Variants in REC114 observed in about 807,000 individuals in gnomAD.
REC114 encodes the protein REC114 meiotic recombination protein.
In REC114, 27 loss-of-function variants were observed where a neutral mutation model predicts 31.3. The ratio of observed to expected loss-of-function variants is 0.86; its 90% CI spans 0.64 to 1.19. The LOEUF (loss-of-function observed/expected upper bound fraction) is 1.19, where lower values mean the gene tolerates loss of function less well. Among genes scored for constraint, REC114 ranks in the 50% most tolerant of loss-of-function variants. REC114 has a pLI of 0.00. For missense variants in REC114, 344 were observed against 326.9 expected (o/e 1.05, Z -0.40); for synonymous variants, 134 against 127.7 (o/e 1.05, Z -0.33).
chr15:73,516,283 G>T, intron 2 of REC114, among the ~76,000 whole-genome samples: 1 of 152,010 alleles, frequency 6.6e-6, no homozygotes, highest in Non-Finnish European at 1.5e-5. Flanking sequence ...ACCTTGCCTG[G>T]CCTCTAGCTT....
rs898439689 is a variant in REC114, at chr15:73,471,362, A to G, written c.160-2470A>G. On this transcript the variant is annotated intron_variant, in intron 1 of 5. Transcript: ENST00000331090. Reference sequence around the variant, plus strand: ...ATGGTTTAGCCAAAGAAATGGAAGGAAAGAATTAATTTCTTAAGTGTTGCA... The same window carrying G: ...ATGGTTTAGCCAAAGAAATGGAAGGGAAGAATTAATTTCTTAAGTGTTGCA... Among the ~76,000 whole-genome samples the G allele has an allele frequency of 2.6e-5, 4 of 151,854 alleles. No individual in the cohort carries two copies. In the East Asian group the frequency reaches 5.8e-4, roughly 22 times the overall value.
intron 2 of REC114, among the ~76,000 whole-genome samples, chr15:73,516,253 T>G (rs1893857028): frequency 6.6e-6 from 1 of 152,148 alleles, no homozygotes; most frequent in Admixed American, 6.5e-5. Flanking sequence ...CCCAAAGTGC[T>G]GGAATTATAA....
At chr15:73,505,767 C>T (rs145326871) in intron 2 of REC114, among the ~76,000 whole-genome samples, 7,518 of 152,144 alleles carry the variant, frequency 0.049, 202 homozygotes, top group South Asian at 0.093. Flanking sequence ...TTCCTGACCT[C>T]GTGATCCGCC....
rs189879802 is a variant in REC114 at position 73,449,913 on chromosome 15, A to T, written c.159+6569A>T. On this transcript the variant is annotated intron_variant, in intron 1 of 5. Coordinates refer to ENST00000331090, the MANE Select transcript of REC114 (RefSeq NM_001042367.2). ...CAGCCAAACTAAGCTTCATAAGCAA[A>T]GGAGAAATAAAATCCTTTACAGACA... is the stretch of plus-strand genomic sequence containing the variant. 2.0e-4 allele frequency among the ~76,000 whole-genome samples: 30 copies of T among 152,360 alleles called. No homozygotes were observed. In the East Asian group the frequency reaches 4.8e-3, roughly 24 times the overall value.
intron 1 of REC114, among the ~76,000 whole-genome samples, chr15:73,464,889 G>C (rs1373038239): frequency 2.0e-5 from 3 of 148,708 alleles, no homozygotes; most frequent in Non-Finnish European, 4.4e-5. Flanking sequence ...TGTGTTTTTT[G>C]TTTGTTTGTT....
chr15:73,531,205 C>T (rs1170243450), intron 2 of REC114, among the ~76,000 whole-genome samples: 1 of 152,140 alleles, frequency 6.6e-6, no homozygotes, highest in Non-Finnish European at 1.5e-5. Flanking sequence ...GTCTGAGGTA[C>T]TAATGGAACT....
chr15:73,516,610 C>A (rs1012419483), intron 2 of REC114, among the ~76,000 whole-genome samples: 1 of 152,012 alleles, frequency 6.6e-6, no homozygotes, highest in Non-Finnish European at 1.5e-5. Context: ...CATTCTGGGC[C>A]AAGTCTTACT....
intron 2 of REC114, among the ~76,000 whole-genome samples, chr15:73,517,393 T>C (rs918896874): frequency 1.3e-5 from 2 of 152,166 alleles, no homozygotes; most frequent in Non-Finnish European, 1.5e-5. Context: ...AGAAGATACA[T>C]GAAGCCTACT....
chr15:73,494,648 T>C (rs956997636), intron 2 of REC114, among the ~76,000 whole-genome samples: 2 of 152,220 alleles, frequency 1.3e-5, no homozygotes, highest in Non-Finnish European at 2.9e-5. Flanking sequence ...TGACGTTTGG[T>C]TGTTCGTGGT....
At chr15:73,520,209 A>G (rs1893916287) in intron 2 of REC114, among the ~76,000 whole-genome samples, 1 of 151,908 alleles carries the variant, frequency 6.6e-6, no homozygotes, top group Admixed American at 6.6e-5. Flanking sequence ...GACTAATTGT[A>G]TCTCTTTTTT....
At chr15:73,456,079 A>G (rs1284041920) in intron 1 of REC114, among the ~76,000 whole-genome samples, 1 of 152,204 alleles carries the variant, frequency 6.6e-6, no homozygotes, top group Non-Finnish European at 1.5e-5. Context: ...GTTAATATTT[A>G]AGCCATCTGT....
chr15:73,543,975 TCTAA>T (rs1468415463), intron 3 of REC114, among the ~76,000 whole-genome samples: 1 of 124,822 alleles, frequency 8.0e-6, no homozygotes, highest in Non-Finnish European at 1.6e-5. Flanking sequence ...TTGAGAAGAG[TCTAA>T]CTCTGTCCCC....
At chr15:73,531,976 T>C (rs1470211935) in intron 2 of REC114, among the ~76,000 whole-genome samples, 1 of 136,964 alleles carries the variant, frequency 7.3e-6, no homozygotes, top group African/African-American at 2.6e-5. Flanking sequence ...CCTAGAGTTC[T>C]CCACTCTTTT....
intron 2 of REC114, among the ~76,000 whole-genome samples, chr15:73,474,214 A>G (rs1595864374): frequency 6.6e-6 from 1 of 152,220 alleles, no homozygotes; most frequent in Non-Finnish European, 1.5e-5. Flanking sequence ...AGGCTTGTTA[A>G]CAAAGACAAG....
chr15:73,545,941 G>GT (rs1376030871), intron 3 of REC114, among the ~76,000 whole-genome samples: 2 of 152,126 alleles, frequency 1.3e-5, no homozygotes, highest in Admixed American at 1.3e-4. Flanking sequence ...CAAGAAATCA[G>GT]TTTAATTTCA....
chr15:73,557,430 A>AG (rs1395819268), intron 5 of REC114, among the ~76,000 whole-genome samples: 2 of 151,416 alleles, frequency 1.3e-5, no homozygotes, highest in African/African-American at 2.4e-5. Flanking sequence ...AAAAAAAAAA[A>AG]AAAGAAAAAA....
intron 2 of REC114, among the ~76,000 whole-genome samples, chr15:73,479,182 G>A (rs1893258383): frequency 1.3e-5 from 2 of 150,508 alleles, no homozygotes; most frequent in Admixed American, 1.3e-4. Context: ...TAAATATAAT[G>A]TTAGCTGTAG....
intron 5 of REC114, among the ~76,000 whole-genome samples, chr15:73,558,459 CCTA>C (rs1245820030): frequency 3.3e-5 from 5 of 152,126 alleles, no homozygotes; most frequent in Non-Finnish European, 7.4e-5. Context: ...TTTGAACTCT[CCTA>C]ATATTTAAAC....
chr15:73,515,822 C>G (rs1165355801), intron 2 of REC114, among the ~76,000 whole-genome samples: 1 of 152,086 alleles, frequency 6.6e-6, no homozygotes. Context: ...GTTGTTTAAG[C>G]CACCCTGTCT....
Sources: allele counts gnomAD v4.1 joint callset (sites outside exome capture counted in the v4.1 genomes callset), GRCh38; gene constraint gnomAD v4.1.1; transcripts MANE v1.5; gene names NCBI Gene and HGNC (gene_info 2026-07-23, HGNC 2026-07-21).